DOCK1: variants seen among roughly 807,000 people sequenced by gnomAD.
DOCK1 encodes the protein dedicator of cytokinesis 1, also known as dedicator of cytokinesis protein 1.
In DOCK1, 138 loss-of-function variants were observed where a neutral mutation model predicts 262.7. The ratio of observed to expected loss-of-function variants is 0.53; its 90% confidence interval spans 0.46 to 0.61. DOCK1 has a LOEUF of 0.61. Ranked by LOEUF, DOCK1 falls within the 20% of genes least tolerant of loss-of-function variation. DOCK1 has a pLI of 0.00. For synonymous variants in DOCK1, 866 were observed against 867.4 expected, an observed-to-expected ratio of 1.00 and a Z score of 0.03; for missense variants, 1,908 against 2,370.7, an observed-to-expected ratio of 0.80 and a Z score of 4.05.
intron 3 of DOCK1, among the ~76,000 whole-genome samples, chr10:126,979,212 T>C (rs974114337): frequency 1.3e-5 from 2 of 152,182 alleles, no homozygotes; most frequent in African/African-American, 4.8e-5. Flanking sequence ...ACATTGGTTT[T>C]CCCTTCCCCA....
At chr10:127,243,652 G>T (rs1252242808) in intron 27 of DOCK1, among the ~76,000 whole-genome samples, 2 of 152,156 alleles carry the variant, frequency 1.3e-5, no homozygotes, top group African/African-American at 4.8e-5. Flanking sequence ...GGGGTGTGCG[G>T]GGACGACTTC....
At chr10:127,030,258 T>C (rs890895754) in intron 16 of DOCK1, among the ~76,000 whole-genome samples, 13 of 152,188 alleles carry the variant, frequency 8.5e-5, no homozygotes, top group African/African-American at 3.1e-4. Flanking sequence ...TTTCCAGCTC[T>C]GGTCCTCTGT....
intron 5 of DOCK1, among the ~76,000 whole-genome samples, chr10:126,989,224 G>A (rs2039627670): frequency 1.3e-5 from 2 of 152,166 alleles, no homozygotes; most frequent in South Asian, 4.1e-4. Flanking sequence ...AAATACCAGA[G>A]TGAGCTCAGT....
chr10:127,426,859 G>A (rs971836789), intron 47 of DOCK1, among the ~76,000 whole-genome samples: 1 of 152,204 alleles, frequency 6.6e-6, no homozygotes, highest in African/African-American at 2.4e-5. Flanking sequence ...GTGGAGAGCA[G>A]CTTGAGTTTT....
chr10:127,073,930 C>T (rs1016626598), intron 23 of DOCK1, among the ~76,000 whole-genome samples: 2 of 152,172 alleles, frequency 1.3e-5, no homozygotes, highest in African/African-American at 4.8e-5. Context: ...TTAAAAGCTT[C>T]ATTTAGGATT....
At chr10:127,438,954 A>G in intron 48 of DOCK1, 73 bp from the exon 49 acceptor site, 1 of 1,410,332 alleles carries the variant, frequency 7.1e-7, no homozygotes, top group Non-Finnish European at 9.5e-7. Context: ...ATGGATTGTG[A>G]GTGACTTTAC....
chr10:127,187,769 AAG>A (rs1177538451), intron 27 of DOCK1, among the ~76,000 whole-genome samples: 1 of 148,666 alleles, frequency 6.7e-6, no homozygotes, highest in African/African-American at 2.6e-5. Context: ...AAAGAAAGAA[AAG>A]AGAGAGAAAA....
intron 27 of DOCK1, among the ~76,000 whole-genome samples, chr10:127,187,928 C>T (rs1319047803): frequency 6.6e-6 from 1 of 152,132 alleles, no homozygotes; most frequent in African/African-American, 2.4e-5. Context: ...GATAAAGAAC[C>T]ACTGGCCTTC....
chr10:126,941,130 T>C (rs2034947740), intron 1 of DOCK1, among the ~76,000 whole-genome samples: 1 of 152,174 alleles, frequency 6.6e-6, no homozygotes, highest in Non-Finnish European at 1.5e-5. Context: ...ATGTGCTCGG[T>C]TGGTTTATCT....
At chr10:126,997,368 C>T (rs1429327394) in intron 7 of DOCK1, among the ~76,000 whole-genome samples, 2 of 152,120 alleles carry the variant, frequency 1.3e-5, no homozygotes, top group African/African-American at 2.4e-5. Flanking sequence ...GTTCATGGTT[C>T]TGCAGACTGT....
chr10:126,953,745 T>G (rs1300254849), intron 1 of DOCK1, among the ~76,000 whole-genome samples: 2 of 151,942 alleles, frequency 1.3e-5, no homozygotes, highest in Admixed American at 1.3e-4. Flanking sequence ...CCACGTGTGT[T>G]GGGGTTAGAG....
chr10:126,910,037 C>A (rs2031537552), intron 1 of DOCK1, among the ~76,000 whole-genome samples: 1 of 152,164 alleles, frequency 6.6e-6, no homozygotes, highest in African/African-American at 2.4e-5. Flanking sequence ...AGTGTGATAT[C>A]CAAATAAATT....
chr10:126,991,162 C>T (rs1239140072), intron 6 of DOCK1, among the ~76,000 whole-genome samples: 1 of 152,192 alleles, frequency 6.6e-6, no homozygotes, highest in Non-Finnish European at 1.5e-5. Flanking sequence ...TTCTTCCCAT[C>T]CATAGCAGGC....
chr10:127,416,542 C>A (rs1590964610), intron 44 of DOCK1, among the ~76,000 whole-genome samples: 1 of 152,302 alleles, frequency 6.6e-6, no homozygotes, highest in East Asian at 1.9e-4. Context: ...CTGCTTTGGC[C>A]ATTTTGAACA....
intron 1 of DOCK1, among the ~76,000 whole-genome samples, chr10:126,957,857 T>G (rs889790301): frequency 4.6e-5 from 7 of 152,178 alleles, no homozygotes; most frequent in African/African-American, 1.7e-4. Flanking sequence ...ATAGACACAT[T>G]GTGATGTGTT....
chr10:127,109,196 G>C (rs1433831357), intron 24 of DOCK1, among the ~76,000 whole-genome samples: 1 of 152,070 alleles, frequency 6.6e-6, no homozygotes, highest in East Asian at 1.9e-4. Flanking sequence ...GTATACGTTG[G>C]TGTCTGTTTT....
At chr10:126,996,956 CA>C (rs2040242780) in intron 7 of DOCK1, 73 bp downstream of exon 7, 1 of 1,450,372 alleles carries the variant, frequency 6.9e-7, no homozygotes, top group African/African-American at 1.5e-5. Flanking sequence ...AAGTATCAGT[CA>C]AGCCCAAAAT....
At chr10:126,923,288 A>C (rs772001226) in intron 1 of DOCK1, among the ~76,000 whole-genome samples, 134 of 152,194 alleles carry the variant, frequency 8.8e-4, no homozygotes, top group Non-Finnish European at 1.4e-3. Flanking sequence ...TATGCTAGTT[A>C]TTAAAAGATT....
intron 22 of DOCK1, among the ~76,000 whole-genome samples, chr10:127,053,433 T>A (rs2044890785): frequency 6.6e-6 from 1 of 152,214 alleles, no homozygotes; most frequent in Admixed American, 6.5e-5. Context: ...CCTCCTCCTC[T>A]TTTCCTCAGT....
Sources: allele counts gnomAD v4.1 joint callset (sites outside exome capture counted in the v4.1 genomes callset), GRCh38; gene constraint gnomAD v4.1.1; transcripts MANE v1.5; gene names NCBI Gene and HGNC (gene_info 2026-07-23, HGNC 2026-07-21).